AOPEP: variants seen among roughly 807,000 people sequenced by gnomAD.
The protein encoded by AOPEP is aminopeptidase O (putative).
In AOPEP, 77 loss-of-function variants were observed where a neutral mutation model predicts 98.1. The ratio of observed to expected loss-of-function variants is 0.78; its 90% confidence interval spans 0.65 to 0.95. The LOEUF is 0.95. Among genes scored for constraint, AOPEP ranks in the 40% least tolerant of loss-of-function variants. The pLI is 0.00. For synonymous variants in AOPEP, 346 were observed against 365.3 expected (o/e 0.95, Z 0.60); for missense variants, 1,024 against 1,024.7 (o/e 1.00, Z 0.01).
chr9:95,034,235 C>T (rs1341093040), intron 13 of AOPEP, among the ~76,000 whole-genome samples: 15 of 152,108 alleles, frequency 9.9e-5, no homozygotes, highest in Admixed American at 9.2e-4. Context: ...CGATTGCTTC[C>T]ACTTTATTTT....
intron 7 of AOPEP, among the ~76,000 whole-genome samples, chr9:94,943,605 A>G (rs531930330): frequency 6.7e-6 from 1 of 149,578 alleles, no homozygotes; most frequent in East Asian, 2.0e-4. Flanking sequence ...AATAAAAAAA[A>G]AAAAGAAAAA....
intron 1 of AOPEP, among the ~76,000 whole-genome samples, chr9:94,740,415 C>G (rs886298759): frequency 1.3e-5 from 2 of 152,062 alleles, no homozygotes; most frequent in African/African-American, 4.8e-5. Flanking sequence ...AGCAATTTCT[C>G]CAGGATTAGC....
rs550339801 is a variant in AOPEP at position 94,734,991 on chromosome 9, A to G, written c.-136+8240A>G. 9.8e-5 allele frequency among the ~76,000 whole-genome samples: 15 copies of G among 152,366 alleles called. 1 individual carries two copies. In the South Asian group the frequency reaches 3.1e-3, roughly 32 times the overall value. On this transcript the variant is annotated intron_variant, in intron 1 of 16. Transcript: ENST00000375315. Reference sequence around the variant, plus strand: ...GGAATCTAAATTCTGCCAGATTATAATACAAGAGAGCTTTTCACTTTGCCT... The same window carrying G: ...GGAATCTAAATTCTGCCAGATTATAGTACAAGAGAGCTTTTCACTTTGCCT...
At chr9:94,804,966 G>A (rs991228616) in intron 5 of AOPEP, among the ~76,000 whole-genome samples, 3 of 152,152 alleles carry the variant, frequency 2.0e-5, no homozygotes, top group African/African-American at 4.8e-5. Context: ...CCGGTCCACA[G>A]GCCTCAAGGT....
the AOPEP span, chr9:95,127,248 C>T: frequency 3.9e-5 from 6 of 152,760 alleles, no homozygotes; most frequent in South Asian, 2.1e-4. Flanking sequence ...GGGAGCTTCA[C>T]TGGCCCAGTC....
At chr9:94,798,018 C>A (rs1393814597) in intron 4 of AOPEP, among the ~76,000 whole-genome samples, 2 of 152,170 alleles carry the variant, frequency 1.3e-5, no homozygotes, top group Admixed American at 6.5e-5. Flanking sequence ...ATATCCTTTT[C>A]TAACCAATTC....
chr9:95,009,926 A>C (rs988090011), intron 13 of AOPEP, among the ~76,000 whole-genome samples: 1 of 151,870 alleles, frequency 6.6e-6, no homozygotes, highest in African/African-American at 2.4e-5. Flanking sequence ...CTGTTTTCCA[A>C]GTCTTTTAAG....
At chr9:94,894,529 C>T (rs2049250549) in intron 5 of AOPEP, among the ~76,000 whole-genome samples, 1 of 152,060 alleles carries the variant, frequency 6.6e-6, no homozygotes, top group Admixed American at 6.5e-5. Flanking sequence ...TATTAGACAA[C>T]CTAAGTAAAC....
chr9:94,849,502 C>CTTTTT (rs1483175118), intron 5 of AOPEP, among the ~76,000 whole-genome samples: 6 of 66,280 alleles, frequency 9.1e-5, no homozygotes, highest in South Asian at 8.0e-4. Context: ...TTCTTTCTTT[C>CTTTTT]TTTCTTTTTT....
chr9:94,828,210 A>G (rs1169293821), intron 5 of AOPEP, among the ~76,000 whole-genome samples: 2 of 152,176 alleles, frequency 1.3e-5, no homozygotes, highest in African/African-American at 4.8e-5. Flanking sequence ...AAGTCTTTAT[A>G]TTTGATGAAG....
At chr9:95,074,870 C>G (rs1169660591) in intron 14 of AOPEP, among the ~76,000 whole-genome samples, 2 of 152,214 alleles carry the variant, frequency 1.3e-5, no homozygotes, top group Non-Finnish European at 2.9e-5. Context: ...AGCGTCAGCA[C>G]CGGCAGCGGC....
intron 5 of AOPEP, among the ~76,000 whole-genome samples, chr9:94,847,583 A>G (rs1177577126): frequency 6.6e-6 from 1 of 152,274 alleles, no homozygotes; most frequent in African/African-American, 2.4e-5. Context: ...TAATTCAAGT[A>G]GTCATGAAGC....
intron 13 of AOPEP, among the ~76,000 whole-genome samples, chr9:95,018,000 A>C (rs570772414): frequency 1.3e-5 from 2 of 152,288 alleles, no homozygotes; most frequent in South Asian, 4.1e-4. Context: ...CATTGTATGG[A>C]TATACTACAT....
rs567654479 is a variant in AOPEP, at chr9:95,012,987, T to TGGG, written c.2115+7380_2115+7382dup. ...TGGTAGAGTTTTCCTGTTTTTTTTT[T>TGGG]GGGGGGGGGGGCAGGGCGATTATCT... On this transcript the variant is annotated intron_variant, in intron 13 of 16. Transcript: ENST00000375315. 4.4e-3 allele frequency among the ~76,000 whole-genome samples: 274 copies of TGGG among 62,564 alleles called. 1 individual carries two copies. The highest frequency in any genetic ancestry group is 6.9e-3 in the Non-Finnish European group (220 of 31,872). The allele number at this position is 62,564 out of a possible 152,430, so 41.0% of individuals were successfully genotyped here.
At chr9:94,743,130 T>G (rs1439066567) in intron 1 of AOPEP, among the ~76,000 whole-genome samples, 1 of 151,612 alleles carries the variant, frequency 6.6e-6, no homozygotes, top group Non-Finnish European at 1.5e-5. Context: ...TTTATTCCTT[T>G]ACTTTTTTAA....
At chr9:94,981,784 C>G (rs2138749916) in intron 11 of AOPEP, among the ~76,000 whole-genome samples, 1 of 152,318 alleles carries the variant, frequency 6.6e-6, no homozygotes, top group East Asian at 1.9e-4. Context: ...CTCTGATGCT[C>G]TTTGTTCTCG....
intron 1 of AOPEP, among the ~76,000 whole-genome samples, chr9:94,734,364 G>A (rs1238808836): frequency 6.6e-6 from 1 of 152,182 alleles, no homozygotes; most frequent in African/African-American, 2.4e-5. Context: ...TAGGAAGTGG[G>A]AGTTGTAAGG....
At chr9:95,045,469 C>G (rs1003351310) in intron 13 of AOPEP, among the ~76,000 whole-genome samples, 1 of 152,250 alleles carries the variant, frequency 6.6e-6, no homozygotes, top group Non-Finnish European at 1.5e-5. Flanking sequence ...TGGAGCCAGG[C>G]TTTTGGACAC....
intron 14 of AOPEP, among the ~76,000 whole-genome samples, chr9:95,062,514 C>T (rs2067414490): frequency 6.6e-6 from 1 of 152,206 alleles, no homozygotes; most frequent in African/African-American, 2.4e-5. Context: ...AAGCCTATTC[C>T]ATGGTTGCTT....
Sources: gnomAD v4.1 joint callset for allele counts (sites outside exome capture counted in the v4.1 genomes callset) on GRCh38, gnomAD v4.1.1 for gene constraint, MANE v1.5 for transcripts, NCBI Gene and HGNC (gene_info 2026-07-23, HGNC 2026-07-21) for gene names.